The following CCP110 variants were observed in gnomAD, a reference collection of about 807,000 sequenced individuals.
CCP110 encodes centriolar coiled-coil protein of 110 kDa.
CCP110 carries 43 observed loss-of-function variants against 105.5 expected under a neutral mutation model. The observed-to-expected ratio is 0.41, with a 90% CI of 0.32 to 0.53. The LOEUF (loss-of-function observed/expected upper bound fraction) is 0.53. CCP110 is among the 20% of genes least tolerant of loss of function. CCP110 has a pLI of 0.32. For synonymous variants in CCP110, 353 were observed against 392.1 expected (o/e 0.90, Z 1.18); for missense variants, 1,016 against 1,189.1 (o/e 0.85, Z 2.14).
chr16:19,545,139 G>A (rs1970418240), exon 10 of CCP110: 1 of 1,612,280 alleles, frequency 6.2e-7, no homozygotes, highest in South Asian at 1.1e-5. Context: ...CTTTGTAATG[G>A]ATGCAGCTGA....
In CCP110 at chr16:19,540,763, A is replaced by C. The variant is rs772629886; in HGVS notation, c.2025A>C (p.Glu675Asp). Residue 675 changes from glutamate to aspartate, a missense_variant, in exon 5 of 15, where the codon GAA (glutamate) becomes GAC (aspartate). Physicochemically the swap from Glu to Asp is conservative, Grantham distance 45. Coordinates refer to ENST00000381396, the Ensembl canonical transcript of CCP110. Reference sequence around the variant, plus strand: ...TATCACTACTCATAGCTGAGCAGGAAAGGGAACAAGAAAGACTGCAAAAGG... The same window carrying C: ...TATCACTACTCATAGCTGAGCAGGACAGGGAACAAGAAAGACTGCAAAAGG... The C allele has an allele frequency of 6.2e-7, 1 of 1,613,732 alleles. No homozygotes were observed. The highest frequency in any genetic ancestry group is 2.2e-5 in the East Asian group (1 of 44,852).
At chr16:19,541,040 G>C (rs781573090) in intron 5 of CCP110, among the ~76,000 whole-genome samples, 38 of 152,052 alleles carry the variant, frequency 2.5e-4, no homozygotes, top group Admixed American at 4.6e-4. Flanking sequence ...ATTTTAAAAA[G>C]GTATTTTATA....
chr16:19,542,601 C>T lies in CCP110; in HGVS notation c.2228-20C>T, dbSNP rs750707906. The T allele has an allele frequency of 1.3e-6, 2 of 1,559,610 alleles. No individual in the cohort carries two copies. The highest frequency in any genetic ancestry group is 8.8e-7 in the Non-Finnish European group (1 of 1,131,028). ...TAATTATATGACATCAAGTATAATA[C>T]TATATGTATGTTTCTCTAGGTTTCA... On this transcript the variant is annotated intron_variant, in intron 6 of 14. Coordinates refer to ENST00000381396, the Ensembl canonical transcript of CCP110.
intron 12 of CCP110, 43 bp from the exon 13 acceptor site, chr16:19,547,912 A>G (rs1047728169): frequency 7.2e-7 from 1 of 1,388,304 alleles, no homozygotes. Flanking sequence ...GAAAAAATGG[A>G]ATTTAACCTA....
At chr16:19,531,765 A>T (rs1969876201) in intron 2 of CCP110, among the ~76,000 whole-genome samples, 1 of 152,190 alleles carries the variant, frequency 6.6e-6, no homozygotes, top group Non-Finnish European at 1.5e-5. Flanking sequence ...CAGGAGTTCG[A>T]GACCAGCCTG....
intron 3 of CCP110, among the ~76,000 whole-genome samples, chr16:19,533,578 ACAGT>A (rs1969948692): frequency 6.6e-6 from 1 of 152,234 alleles, no homozygotes; most frequent in African/African-American, 2.4e-5. Context: ...GGGTAGAGGA[ACAGT>A]CAGTTATGCA....
At chr16:19,552,036 T>G (rs550421271) in exon 15 of CCP110, 1 of 152,354 alleles carries the variant, frequency 6.6e-6, no homozygotes, top group Admixed American at 6.5e-5. Flanking sequence ...AATAATATGT[T>G]GCATGCAGTT....
chr16:19,552,749 TATGGAG>T (rs1385300662), exon 15 of CCP110: 1 of 152,206 alleles, frequency 6.6e-6, no homozygotes, highest in Non-Finnish European at 1.5e-5. Context: ...CTTTTAAGAA[TATGGAG>T]ATGAAGATTG....
chr16:19,532,464 C>G, exon 3 of CCP110: 1 of 1,609,242 alleles, frequency 6.2e-7, no homozygotes, highest in Admixed American at 1.7e-5. Context: ...GCAGAAAGCA[C>G]TTGATGTAGA....
At chr16:19,536,641 C>T (rs1970070531) in exon 4 of CCP110, 1 of 1,614,116 alleles carries the variant, frequency 6.2e-7, no homozygotes, top group South Asian at 1.1e-5. Context: ...CGAAAGTGGA[C>T]ATACCTATAC....
Position 19,548,134 on chromosome 16 carries a change from T to C in CCP110, c.2900+120T>C. On this transcript the variant is annotated intron_variant, in intron 13 of 14. Transcript: ENST00000381396. This position sits in a 1 kb window ranked among gnomAD's most constrained non-coding sequence, Gnocchi z 4.1. ...TGGTTTTTCAATGGGATTTTTTTTC[T>C]TTATAGCATTGGGAAAGATATTTTA... 1.3e-6 allele frequency: 1 copy of C among 776,186 alleles called. No homozygotes were observed. The highest frequency in any genetic ancestry group is 1.6e-5 in the South Asian group (1 of 64,292). 48.1% of individuals were successfully genotyped at this position (776,186 alleles called of 1,614,324 possible).
In CCP110 at chr16:19,550,646, C is replaced by A. The variant is rs189194391; in HGVS notation, c.2987-550C>A. ...TGATTTGCTCTAAATGGAGGCAAATCCTTTGTTAAGCAATTTATAGAAAAC... is the reference window on the plus strand; with the variant it reads ...TGATTTGCTCTAAATGGAGGCAAATACTTTGTTAAGCAATTTATAGAAAAC... On this transcript the variant is annotated intron_variant, in intron 14 of 14. Transcript: ENST00000381396. 3.3e-5 allele frequency among the ~76,000 whole-genome samples: 5 copies of A among 152,218 alleles called. 1 individual carries two copies. Among genetic ancestry groups the A allele is most frequent in the Admixed American group, 6.5e-5 (1 of 15,282 alleles).
intron 2 of CCP110, among the ~76,000 whole-genome samples, chr16:19,530,371 G>A (rs959325266): frequency 1.2e-4 from 18 of 151,842 alleles, no homozygotes; most frequent in Non-Finnish European, 2.2e-4. Flanking sequence ...ACAGGTTAAA[G>A]ATTTTTGGAA....
At chr16:19,530,169 C>T (rs1969813257) in intron 2 of CCP110, among the ~76,000 whole-genome samples, 1 of 151,918 alleles carries the variant, frequency 6.6e-6, no homozygotes. Flanking sequence ...TGCACTCCAA[C>T]CTGGGTGACA....
chr16:19,540,671 C>T (rs774819776), exon 5 of CCP110: 1 of 1,612,354 alleles, frequency 6.2e-7, no homozygotes, highest in Non-Finnish European at 8.5e-7. Flanking sequence ...CGAGGAGTTA[C>T]TAAAAAGCAA....
At chr16:19,530,426 C>A (rs1460677842) in intron 2 of CCP110, among the ~76,000 whole-genome samples, 1 of 152,028 alleles carries the variant, frequency 6.6e-6, no homozygotes, top group Non-Finnish European at 1.5e-5. Flanking sequence ...GCCTGTAATC[C>A]CAGCACTTTG....
In CCP110 at chr16:19,542,869, TTCTC is replaced by T. The variant is rs1360081455; in HGVS notation, c.2368-8_2368-5del. On this transcript the variant is annotated splice_polypyrimidine_tract_variant and splice_region_variant and intron_variant, in intron 7 of 14. Transcript: ENST00000381396. ...CCAATAAACATTGTGTCTGTCTTCT[TTCTC>T]CTAGGTTTTTAGTCTGGAAATACAA... The T allele has an allele frequency of 6.3e-7, 1 of 1,576,986 alleles. No homozygotes were observed.
intron 2 of CCP110, among the ~76,000 whole-genome samples, chr16:19,531,756 A>T (rs2151464646): frequency 6.6e-6 from 1 of 152,312 alleles, no homozygotes; most frequent in Non-Finnish European, 1.5e-5. Context: ...TCACAAAGTC[A>T]GGAGTTCGAG....
chr16:19,530,269 T>C (rs1969817172), intron 2 of CCP110, among the ~76,000 whole-genome samples: 1 of 152,194 alleles, frequency 6.6e-6, no homozygotes, highest in East Asian at 1.9e-4. Context: ...ATTCCTTAGA[T>C]CTTGGATTTG....
Sources: allele counts gnomAD v4.1 joint callset (sites outside exome capture counted in the v4.1 genomes callset), GRCh38; gene constraint gnomAD v4.1.1; non-coding constraint Gnocchi (gnomAD v3.1); transcripts MANE v1.5; gene names NCBI Gene and HGNC (gene_info 2026-07-23, HGNC 2026-07-21).